PRKG1: variants seen among roughly 807,000 people sequenced by gnomAD.
PRKG1 encodes the protein cGMP-dependent protein kinase 1.
A neutral mutation model predicts 88.1 loss-of-function variants in PRKG1; 35 were observed. The observed-to-expected ratio is 0.40, with a 90% CI of 0.30 to 0.53. PRKG1 has a LOEUF of 0.53. Ranked by LOEUF, PRKG1 falls within the 20% of genes least tolerant of loss-of-function variation. The pLI, the probability that PRKG1 is intolerant of heterozygous loss-of-function variation, is 0.59. For missense variants in PRKG1, 540 were observed against 839.8 expected, an observed-to-expected ratio of 0.64 and a Z score of 4.41; for synonymous variants, 303 against 292.5, an observed-to-expected ratio of 1.04 and a Z score of -0.37.
intron 1 of PRKG1, among the ~76,000 whole-genome samples, chr10:51,124,919 G>A (rs1398865521): frequency 1.3e-5 from 2 of 152,164 alleles, no homozygotes; most frequent in Non-Finnish European, 2.9e-5. Flanking sequence ...TCTCCTTTGA[G>A]TTGACATATG....
intron 7 of PRKG1, among the ~76,000 whole-genome samples, chr10:52,088,451 TG>T (rs1846971285): frequency 6.6e-6 from 1 of 152,104 alleles, no homozygotes; most frequent in African/African-American, 2.4e-5. Context: ...AAATCCATGT[TG>T]AAACTGAATT....
intron 2 of PRKG1, among the ~76,000 whole-genome samples, chr10:51,177,397 A>G (rs898123019): frequency 1.3e-5 from 2 of 152,216 alleles, no homozygotes; most frequent in Non-Finnish European, 2.9e-5. Flanking sequence ...AAATATTTCA[A>G]TTTAATTACT....
chr10:51,061,987 G>A (rs1335675248), intron 1 of PRKG1, among the ~76,000 whole-genome samples: 1 of 152,162 alleles, frequency 6.6e-6, no homozygotes, highest in Non-Finnish European at 1.5e-5. Context: ...GTTATGGGGT[G>A]TTGCCTTGTT....
At chr10:51,638,090 A>G (rs1018878338) in intron 3 of PRKG1, among the ~76,000 whole-genome samples, 2 of 152,210 alleles carry the variant, frequency 1.3e-5, no homozygotes, top group Non-Finnish European at 2.9e-5. Context: ...AAATGATCTT[A>G]ACAATTTAGA....
Position 51,640,088 on chromosome 10 carries a change from G to A in PRKG1, c.593-164497G>A, listed in dbSNP as rs547677886. 2.0e-5 allele frequency among the ~76,000 whole-genome samples: 3 copies of A among 152,288 alleles called. No individual in the cohort carries two copies. The East Asian group carries it at 5.8e-4, about 29-fold the overall frequency. ...AGTAGTTGTTCAATAAAGCTAAGGT[G>A]CTTCAGTCTTCATTGTCATTGTCCT... On this transcript the variant is annotated intron_variant, in intron 3 of 17. Coordinates refer to ENST00000373980, the MANE Select transcript of PRKG1 (RefSeq NM_006258.4).
chr10:52,247,816 C>A (rs1201621526), intron 9 of PRKG1, among the ~76,000 whole-genome samples: 1 of 152,114 alleles, frequency 6.6e-6, no homozygotes. Flanking sequence ...GTCGGGGAGA[C>A]CCTAACCCAG....
chr10:51,115,818 A>G (rs2131905636), intron 1 of PRKG1, among the ~76,000 whole-genome samples: 1 of 146,170 alleles, frequency 6.8e-6, no homozygotes, highest in Admixed American at 7.0e-5. Flanking sequence ...CCTGGATGAC[A>G]GAGTGAGACT....
At chr10:51,507,113 A>G (rs7897961) in intron 3 of PRKG1, among the ~76,000 whole-genome samples, 139,844 of 148,628 alleles carry the variant, frequency 0.94, 65,789 homozygotes, top group East Asian at 1. Flanking sequence ...AGAACACATG[A>G]AGACAGGAAG....
intron 5 of PRKG1, among the ~76,000 whole-genome samples, chr10:51,973,646 A>G (rs906066997): frequency 6.6e-6 from 1 of 152,184 alleles, no homozygotes. Context: ...TAAACAGTTC[A>G]TCTTCAATGA....
intron 12 of PRKG1, among the ~76,000 whole-genome samples, chr10:52,278,729 C>T (rs1383375961): frequency 6.6e-6 from 1 of 151,724 alleles, no homozygotes; most frequent in Non-Finnish European, 1.5e-5. Context: ...AGGTCGAACC[C>T]CCATCTCTAC....
chr10:51,138,258 A>G (rs1432712379), intron 1 of PRKG1, among the ~76,000 whole-genome samples: 4 of 152,220 alleles, frequency 2.6e-5, no homozygotes, highest in Non-Finnish European at 5.9e-5. Flanking sequence ...TAGAATTTCA[A>G]AACACTGTAT....
At chr10:51,832,917 A>G (rs1466803914) in intron 4 of PRKG1, among the ~76,000 whole-genome samples, 1 of 152,142 alleles carries the variant, frequency 6.6e-6, no homozygotes, top group Non-Finnish European at 1.5e-5. Context: ...TTAATGCTCT[A>G]GTTATGGAAA....
intron 2 of PRKG1, among the ~76,000 whole-genome samples, chr10:51,252,620 C>T (rs149149930): frequency 0.012 from 1,773 of 151,610 alleles, 32 homozygotes; most frequent in African/African-American, 0.039. Context: ...ATAATAATTG[C>T]CCTTATTGAC....
rs146831184 is a variant in PRKG1, at chr10:51,222,232, G to A, written c.478+68902G>A. On this transcript the variant is annotated intron_variant, in intron 2 of 17. Transcript: ENST00000373980. ...AAAATTGGATTGTAGTGGAGAAAGA[G>A]AGGAACTGTTCCTCCCACCTTCACT... Among the ~76,000 whole-genome samples the A allele has an allele frequency of 2.0e-3, 306 of 151,442 alleles. 2 individuals carry two copies. Among genetic ancestry groups the A allele is most frequent in the Middle Eastern group, 6.8e-3 (2 of 294 alleles).
chr10:52,048,567 C>T (rs925668335), intron 5 of PRKG1, among the ~76,000 whole-genome samples: 4 of 152,056 alleles, frequency 2.6e-5, no homozygotes, highest in African/African-American at 4.8e-5. Context: ...GCCTCTGTCA[C>T]GTGTCATCAA....
At chr10:51,775,718 A>G (rs1176716083) in intron 3 of PRKG1, among the ~76,000 whole-genome samples, 2 of 151,704 alleles carry the variant, frequency 1.3e-5, no homozygotes, top group Admixed American at 1.3e-4. Context: ...CTGAGTAGCT[A>G]TGTTTACAAG....
intron 3 of PRKG1, among the ~76,000 whole-genome samples, chr10:51,684,247 A>G (rs982572806): frequency 1.1e-4 from 17 of 152,204 alleles, no homozygotes; most frequent in African/African-American, 4.1e-4. Flanking sequence ...GCTGAAGACC[A>G]TACGTTGTAT....
intron 2 of PRKG1, among the ~76,000 whole-genome samples, chr10:51,346,716 A>C (rs538226640): frequency 6.6e-6 from 1 of 152,334 alleles, no homozygotes; most frequent in Non-Finnish European, 1.5e-5. Context: ...TCATGAGTAT[A>C]ACTTCACTGA....
intron 9 of PRKG1, among the ~76,000 whole-genome samples, chr10:52,198,312 G>A (rs1264703652): frequency 5.3e-5 from 8 of 152,124 alleles, no homozygotes; most frequent in African/African-American, 1.9e-4. Flanking sequence ...TAATTTGTTT[G>A]AGAACTTCAT....
Sources: allele counts gnomAD v4.1 joint callset (sites outside exome capture counted in the v4.1 genomes callset), GRCh38; gene constraint gnomAD v4.1.1; transcripts MANE v1.5; gene names NCBI Gene and HGNC (gene_info 2026-07-23, HGNC 2026-07-21).